The following CNBD1 variants were observed in gnomAD, a reference collection of about 807,000 sequenced individuals.
CNBD1 encodes the protein cyclic nucleotide-binding domain-containing protein 1.
CNBD1 carries 71 observed loss-of-function variants against 54.4 expected under a neutral mutation model. That is an observed-to-expected ratio of 1.30 (90% CI 1.08 to 1.59). The LOEUF is 1.59. Among genes scored for constraint, CNBD1 ranks in the 40% most tolerant of loss-of-function variants. The pLI is 0.00. For synonymous variants in CNBD1, 182 were observed against 170.7 expected (o/e 1.07, Z -0.51); for missense variants, 659 against 518.0 (o/e 1.27, Z -2.64).
chr8:87,356,162 A>T (rs970918352), intron 10 of CNBD1, among the ~76,000 whole-genome samples: 4 of 152,172 alleles, frequency 2.6e-5, no homozygotes, highest in African/African-American at 9.6e-5. Context: ...ACCCAGCTTC[A>T]GATATTCATT....
chr8:87,337,113 A>G (rs1323999562), intron 8 of CNBD1, among the ~76,000 whole-genome samples: 1 of 152,112 alleles, frequency 6.6e-6, no homozygotes, highest in Non-Finnish European at 1.5e-5. Flanking sequence ...CACAGACCTG[A>G]TACCAGTAGG....
intron 4 of CNBD1, among the ~76,000 whole-genome samples, chr8:87,037,969 G>A (rs369793499): frequency 6.6e-6 from 1 of 152,156 alleles, no homozygotes; most frequent in African/African-American, 2.4e-5. Flanking sequence ...TAAACTTTCA[G>A]TCTCCCATCT....
intron 4 of CNBD1, among the ~76,000 whole-genome samples, chr8:87,116,531 C>A (rs1811771918): frequency 6.6e-6 from 1 of 151,952 alleles, no homozygotes; most frequent in Non-Finnish European, 1.5e-5. Flanking sequence ...CTTATATAAT[C>A]TTTTTTTAAG....
intron 2 of CNBD1, among the ~76,000 whole-genome samples, chr8:87,421,943 C>T (rs1807947112): frequency 6.7e-6 from 1 of 149,188 alleles, no homozygotes; most frequent in South Asian, 2.1e-4. Flanking sequence ...CCTGTTGTTT[C>T]CTGACTTTTT....
At chr8:87,134,435 A>C (rs1259755887) in intron 4 of CNBD1, among the ~76,000 whole-genome samples, 2 of 152,036 alleles carry the variant, frequency 1.3e-5, no homozygotes, top group African/African-American at 4.8e-5. Flanking sequence ...TTCTTAATAT[A>C]ACTTTTATTG....
chr8:87,276,389 G>A (rs1410406437), intron 6 of CNBD1, among the ~76,000 whole-genome samples: 2 of 151,666 alleles, frequency 1.3e-5, no homozygotes, highest in Non-Finnish European at 2.9e-5. Context: ...GAAATTTTTG[G>A]TTTACTTTAC....
At chr8:86,882,974 A>G (rs1808626377) in intron 1 of CNBD1, among the ~76,000 whole-genome samples, 2 of 152,186 alleles carry the variant, frequency 1.3e-5, no homozygotes, top group African/African-American at 4.8e-5. Context: ...AAGAGATGAG[A>G]ACACATGGAC....
At chr8:87,174,546 C>A (rs1321886147) in intron 4 of CNBD1, among the ~76,000 whole-genome samples, 1 of 152,166 alleles carries the variant, frequency 6.6e-6, no homozygotes, top group African/African-American at 2.4e-5. Flanking sequence ...TCTGAAAGGT[C>A]ACATATCTCT....
chr8:87,192,359 G>A (rs921433175), intron 4 of CNBD1, among the ~76,000 whole-genome samples: 15 of 151,960 alleles, frequency 9.9e-5, no homozygotes, highest in South Asian at 2.1e-4. Context: ...CAATAAACCT[G>A]GAACATCTCC....
At chr8:87,291,893 AG>A (rs1196358273) in intron 8 of CNBD1, among the ~76,000 whole-genome samples, 1 of 152,192 alleles carries the variant, frequency 6.6e-6, no homozygotes, top group South Asian at 2.1e-4. Context: ...CTTATTTTTT[AG>A]TACCCAACAA....
chr8:87,011,671 T>A (rs1049448917), intron 4 of CNBD1, among the ~76,000 whole-genome samples: 1 of 152,136 alleles, frequency 6.6e-6, no homozygotes, highest in Non-Finnish European at 1.5e-5. Flanking sequence ...GCATTTTAAT[T>A]TAAGAAAAAC....
intron 8 of CNBD1, among the ~76,000 whole-genome samples, chr8:87,289,310 C>T (rs887675254): frequency 1.3e-5 from 2 of 152,116 alleles, no homozygotes; most frequent in African/African-American, 2.4e-5. Flanking sequence ...CATCTTCCTA[C>T]TTTTGCTTCA....
chr8:87,408,208 C>T (rs1046367007), intron 2 of CNBD1, among the ~76,000 whole-genome samples: 1 of 151,918 alleles, frequency 6.6e-6, no homozygotes, highest in Admixed American at 6.6e-5. Context: ...TATCTCCTTT[C>T]TTCATGGTAC....
rs565059098 is a variant in CNBD1, at chr8:86,968,085, G to T, written c.431+28331G>T. 7.9e-5 allele frequency among the ~76,000 whole-genome samples: 12 copies of T among 152,216 alleles called. 1 individual carries two copies. Among genetic ancestry groups the T allele is most frequent in the African/African-American group, 2.9e-4 (12 of 41,528 alleles). On this transcript the variant is annotated intron_variant, in intron 4 of 10. Coordinates refer to ENST00000518476, the MANE Select transcript of CNBD1 (RefSeq NM_173538.3). ...AGGTGGGACAGAATGGCTAGAGTGG[G>T]TTGAAGTTGAGCATTTGCCTTCCTC...
At chr8:87,274,266 A>G (rs1399260587) in intron 6 of CNBD1, among the ~76,000 whole-genome samples, 2 of 150,394 alleles carry the variant, frequency 1.3e-5, no homozygotes, top group African/African-American at 4.9e-5. Context: ...CATGATTTAT[A>G]GTCCTTTGGG....
At chr8:86,882,659 C>G (rs1808622333) in intron 1 of CNBD1, among the ~76,000 whole-genome samples, 1 of 152,044 alleles carries the variant, frequency 6.6e-6, no homozygotes, top group South Asian at 2.1e-4. Flanking sequence ...CCTAGCAATC[C>G]CATTATTTGG....
At chr8:87,108,339 A>T (rs1158385696) in intron 4 of CNBD1, among the ~76,000 whole-genome samples, 1 of 152,158 alleles carries the variant, frequency 6.6e-6, no homozygotes, top group Non-Finnish European at 1.5e-5. Flanking sequence ...AAAAATAGGG[A>T]TCTGAAGTCA....
At chr8:87,332,515 T>G (rs967733759) in intron 8 of CNBD1, among the ~76,000 whole-genome samples, 1 of 152,100 alleles carries the variant, frequency 6.6e-6, no homozygotes, top group African/African-American at 2.4e-5. Context: ...GGTTTGGAGT[T>G]TTACATTTAA....
intron 5 of CNBD1, 84 bp from the exon 6 acceptor site, chr8:87,236,835 C>A: frequency 1.4e-6 from 1 of 704,596 alleles, no homozygotes; most frequent in Non-Finnish European, 2.3e-6. Context: ...TTGAAAGTAC[C>A]GTAAGTGTAA....
Sources: gnomAD v4.1 joint callset for allele counts (sites outside exome capture counted in the v4.1 genomes callset) on GRCh38, gnomAD v4.1.1 for gene constraint, MANE v1.5 for transcripts, NCBI Gene and HGNC (gene_info 2026-07-23, HGNC 2026-07-21) for gene names.